Variants in CWC22 observed in about 807,000 individuals in gnomAD.
CWC22 encodes pre-mRNA-splicing factor CWC22 homolog.
CWC22 carries 53 observed loss-of-function variants against 117.2 expected under a neutral mutation model. The observed-to-expected ratio is 0.45, with a 90% CI of 0.36 to 0.57. CWC22 has a LOEUF of 0.57. Among genes scored for constraint, CWC22 ranks in the 20% least tolerant of loss-of-function variants. CWC22 has a pLI of 0.00. For missense variants in CWC22, 980 were observed against 1,068.8 expected (o/e 0.92, Z 1.16); for synonymous variants, 360 against 355.6 (o/e 1.01, Z -0.14).
intron 11 of CWC22, among the ~76,000 whole-genome samples, chr2:179,967,999 T>G (rs1174646290): frequency 6.6e-6 from 1 of 152,222 alleles, no homozygotes; most frequent in Non-Finnish European, 1.5e-5. Flanking sequence ...TATCCATCTC[T>G]GTGAGCTTGT....
At chr2:179,967,203 C>A (rs928933085) in intron 11 of CWC22, among the ~76,000 whole-genome samples, 1 of 152,122 alleles carries the variant, frequency 6.6e-6, no homozygotes, top group Non-Finnish European at 1.5e-5. Flanking sequence ...TAAAGCTGTG[C>A]CCACTTCCTG....
chr2:179,961,644 C>T (rs1246086944), intron 13 of CWC22, among the ~76,000 whole-genome samples: 4 of 151,664 alleles, frequency 2.6e-5, no homozygotes, highest in African/African-American at 9.7e-5. Context: ...TTCTGAAAAA[C>T]AGTCGAGTAG....
At chr2:179,993,533 A>G (rs1465240603) in intron 1 of CWC22, 79 bp from the exon 2 acceptor site, 1 of 525,358 alleles carries the variant, frequency 1.9e-6, no homozygotes, top group Non-Finnish European at 3.4e-6. Flanking sequence ...TATACAATGG[A>G]CATTTGACCG....
At chr2:179,967,994 A>G (rs1360389282) in intron 11 of CWC22, among the ~76,000 whole-genome samples, 2 of 152,180 alleles carry the variant, frequency 1.3e-5, no homozygotes, top group Admixed American at 1.3e-4. Flanking sequence ...ACCTATATCC[A>G]TCTCTGTGAG....
chr2:180,001,014 G>A (rs1004018066), intron 1 of CWC22, among the ~76,000 whole-genome samples: 9 of 152,146 alleles, frequency 5.9e-5, no homozygotes, highest in East Asian at 1.9e-4. Flanking sequence ...ATTTTTTTAC[G>A]CATAGGAAGA....
intron 15 of CWC22, among the ~76,000 whole-genome samples, 174 bp from the exon 16 acceptor site, chr2:179,954,531 T>C (rs1165654994): frequency 6.6e-6 from 1 of 152,070 alleles, no homozygotes; most frequent in Non-Finnish European, 1.5e-5. Context: ...TTAATATATA[T>C]GGTTTCTAAT....
At chr2:179,957,325 G>A (rs533743881) in intron 14 of CWC22, among the ~76,000 whole-genome samples, 18 of 152,052 alleles carry the variant, frequency 1.2e-4, no homozygotes, top group Non-Finnish European at 1.8e-4. Context: ...ATAATTTTTT[G>A]TCAAAATTCC....
rs369826347 is a variant in CWC22 at position 179,950,695 on chromosome 2, C to T, written c.1957G>A (p.Val653Ile). ...ACATCTGGTTTCTGCGCCACAATGACCTTTGGTGTATTTTTGAGATGCTCC... is the reference window on the plus strand; with the variant it reads ...ACATCTGGTTTCTGCGCCACAATGATCTTTGGTGTATTTTTGAGATGCTCC... Reference protein sequence around the residue: ...LREHLKNTPKVIVAQKPDVEQ... With the variant: ...LREHLKNTPKIIVAQKPDVEQ... Residue 653 changes from valine to isoleucine, a missense_variant, in exon 19 of 20, where the codon GTC becomes ATC. Val to Ile is a conservative substitution (Grantham distance 29, BLOSUM62 3). Around this residue, in one of 3 missense-constraint regions of CWC22, gnomAD observed 306 missense variants for 296.8 expected, o/e 1.03. Coordinates refer to ENST00000410053, the MANE Select transcript of CWC22 (RefSeq NM_020943.3). The T allele has an allele frequency of 3.1e-6, 5 of 1,613,530 alleles. No individual in the cohort carries two copies. The highest frequency in any genetic ancestry group is 1.7e-4 in the Middle Eastern group (1 of 6,058).
chr2:179,945,501 T>A lies in CWC22; in HGVS notation c.2355A>T (p.Thr785=), dbSNP rs1303548948. The part of the protein sequence containing the change: ...SNWRDPITKY[T]SDKDVPSERN... ...GTTCAGAAGGAACATCTTTGTCTGA[T>A]GTGTACTTTGTTATAGGATCTCTCC... The change falls in exon 20 of 20, where the codon ACA becomes ACT. Residue 785 remains threonine (T), a synonymous_variant. Coordinates refer to ENST00000410053, the MANE Select transcript of CWC22 (RefSeq NM_020943.3). 1 of 1,613,002 alleles carries A rather than the reference T, an allele frequency of 6.2e-7. No individual in the cohort carries two copies. Among genetic ancestry groups the A allele is most frequent in the Non-Finnish European group, 8.5e-7 (1 of 1,179,330 alleles).
chr2:179,963,517 T>C (rs980415847), intron 13 of CWC22, among the ~76,000 whole-genome samples: 2 of 151,070 alleles, frequency 1.3e-5, no homozygotes, highest in Admixed American at 6.6e-5. Context: ...TAATTTTTTG[T>C]ATTTTTAGTA....
Position 179,981,747 on chromosome 2 carries a change from C to T in CWC22, c.452+5G>A. On this transcript the variant is annotated splice_donor_5th_base_variant and intron_variant, in intron 5 of 19. Coordinates refer to ENST00000410053, the MANE Select transcript of CWC22 (RefSeq NM_020943.3). ...GGCTTTGTATACTGATTGATATAAA[C>T]ATGCCTGTTTTTATCTGTAATCTGT... 6.2e-7 allele frequency: 1 copy of T among 1,610,604 alleles called. No individual in the cohort carries two copies. The highest frequency in any genetic ancestry group is 8.5e-7 in the Non-Finnish European group (1 of 1,177,340).
Position 179,986,719 on chromosome 2 carries a change from G to A in CWC22, c.182C>T (p.Ser61Phe), listed in dbSNP as rs377065316. The A allele has an allele frequency of 5.0e-6, 8 of 1,600,040 alleles. No homozygotes were observed. Among genetic ancestry groups the A allele is most frequent in the Non-Finnish European group, 6.8e-6 (8 of 1,169,262 alleles). ...CCGTGACTCCATGCTACTATCATAA[G>A]AACGTCCTCTTCTTGAATGCTCATA... ...SDYEHSRRGR[S>F]YDSSMESRNR... Residue 61 changes from serine (S) to phenylalanine (F), a missense_variant, in exon 4 of 20, where the codon TCT becomes TTT. This residue lies in a region of CWC22 where 559 missense variants were observed against 602.3 expected (regional missense o/e 0.93). Coordinates refer to ENST00000410053, the MANE Select transcript of CWC22 (RefSeq NM_020943.3).
chr2:179,993,609 TA>T (rs1687626423), intron 1 of CWC22, among the ~76,000 whole-genome samples, 155 bp from the exon 2 acceptor site: 1 of 152,086 alleles, frequency 6.6e-6, no homozygotes, highest in African/African-American at 2.4e-5. Flanking sequence ...TAGTTACACA[TA>T]ATAATGTATA....
rs58718379 is a variant in CWC22, at chr2:179,991,789, A to G, written c.27+1526T>C. The stretch of plus-strand genomic sequence containing the variant: ...AGGTCCTCAATAAATTAACTGTTTA[A>G]GTAACAATGGACCAATGAGTACAAG... On this transcript the variant is annotated intron_variant, in intron 2 of 19. Coordinates refer to ENST00000410053, the MANE Select transcript of CWC22 (RefSeq NM_020943.3). 1.8e-4 allele frequency among the ~76,000 whole-genome samples: 27 copies of G among 152,332 alleles called. No individual in the cohort carries two copies. The East Asian group carries it at 4.8e-3, about 27-fold the overall frequency.
chr2:180,004,049 T>C (rs2105568853), intron 1 of CWC22, among the ~76,000 whole-genome samples: 1 of 152,258 alleles, frequency 6.6e-6, no homozygotes, highest in Non-Finnish European at 1.5e-5. Flanking sequence ...TCCACCACCC[T>C]CCCATGCTCA....
chr2:179,958,545 G>GT (rs536775668), intron 14 of CWC22, among the ~76,000 whole-genome samples: 4,593 of 142,516 alleles, frequency 0.032, 111 homozygotes, highest in Non-Finnish European at 0.045. Context: ...AAAACATTAT[G>GT]TTTTTTTTTT....
chr2:179,971,198 AAGTTT>A, intron 8 of CWC22, 122 bp from the exon 9 acceptor site: 2 of 608,196 alleles, frequency 3.3e-6, no homozygotes, highest in Non-Finnish European at 5.2e-6. Flanking sequence ...ATGATGGGCA[AAGTTT>A]TATAAAGCAC....
intron 17 of CWC22, 61 bp from the exon 18 acceptor site, chr2:179,950,987 C>G (rs1686432793): frequency 9.4e-7 from 1 of 1,060,766 alleles, no homozygotes; most frequent in East Asian, 2.6e-5. Flanking sequence ...AGGTAAAATC[C>G]TTAGTCATTT....
intron 1 of CWC22, among the ~76,000 whole-genome samples, chr2:180,005,006 C>T (rs1687936909): frequency 6.7e-6 from 1 of 148,756 alleles, no homozygotes; most frequent in Admixed American, 6.7e-5. Context: ...GGCATGAGAA[C>T]TACTCGAATG....
Sources: allele counts gnomAD v4.1 joint callset (sites outside exome capture counted in the v4.1 genomes callset), GRCh38; gene constraint gnomAD v4.1.1; regional missense constraint gnomAD v4.1.1; transcripts MANE v1.5; gene names NCBI Gene and HGNC (gene_info 2026-07-23, HGNC 2026-07-21).